GRID1: variants seen among roughly 807,000 people sequenced by gnomAD.
GRID1 encodes glutamate ionotropic receptor delta type subunit 1.
A neutral mutation model predicts 98.0 loss-of-function variants in GRID1; 28 were observed. The observed-to-expected ratio is 0.29, with a 90% CI of 0.21 to 0.39. The LOEUF (loss-of-function observed/expected upper bound fraction) is 0.39. Ranked by LOEUF, GRID1 falls within the 10% of genes least tolerant of loss-of-function variation. The probability of loss-of-function intolerance (pLI) is 1.00; values close to 1 mark genes in which losing one functional copy is unlikely to be tolerated. For synonymous variants in GRID1, 553 were observed against 538.5 expected (o/e 1.03, Z -0.37); for missense variants, 1,111 against 1,340.5 (o/e 0.83, Z 2.67).
intron 8 of GRID1, among the ~76,000 whole-genome samples, chr10:85,809,225 A>C (rs1294179353): frequency 6.6e-6 from 1 of 152,168 alleles, no homozygotes; most frequent in Admixed American, 6.5e-5. Context: ...AAAAAAACAG[A>C]GCATAAAAGA....
chr10:86,207,312 T>G (rs1846039822), intron 2 of GRID1, among the ~76,000 whole-genome samples: 1 of 152,146 alleles, frequency 6.6e-6, no homozygotes, highest in Non-Finnish European at 1.5e-5. Context: ...GAAGGATTAT[T>G]CAAAAGCCAC....
In GRID1 at chr10:86,195,749, C is replaced by T. The variant is rs1231193665; in HGVS notation, c.520+10615G>A. ...TGTTACCCACATGGCTGTGTCTGGG[C>T]GTGACCCCCACCTTTTGGTTCTAAG... is the stretch of plus-strand genomic sequence containing the variant. On this transcript the variant is annotated intron_variant, in intron 3 of 15. Coordinates refer to ENST00000327946, the MANE Select transcript of GRID1 (RefSeq NM_017551.3). This position sits in a 1 kb window ranked among gnomAD's most constrained non-coding sequence, Gnocchi z 4.4. Among the ~76,000 whole-genome samples the T allele has an allele frequency of 7.9e-5, 12 of 152,220 alleles. No individual in the cohort carries two copies. The South Asian group carries it at 8.3e-4, about 11-fold the overall frequency.
chr10:85,753,413 G>A (rs1842066652), intron 8 of GRID1, among the ~76,000 whole-genome samples: 1 of 152,196 alleles, frequency 6.6e-6, no homozygotes, highest in Non-Finnish European at 1.5e-5. Context: ...GTAAAGAGAT[G>A]ACAAGCCACT....
At chr10:85,910,756 A>G (rs937558351) in intron 5 of GRID1, among the ~76,000 whole-genome samples, 2 of 152,222 alleles carry the variant, frequency 1.3e-5, no homozygotes, top group African/African-American at 4.8e-5. Context: ...AACCTCAGAG[A>G]AAAGAGATCA....
rs186666108 is a variant in GRID1 at position 85,741,913 on chromosome 10, A to G, written c.1234-12299T>C. On this transcript the variant is annotated intron_variant, in intron 8 of 15. Transcript: ENST00000327946. ...TTTGTGTATATCCTTCACGTTCCCA[A>G]TAAATCTTATCTCTGACATTCACAT... Among the ~76,000 whole-genome samples, 4 of 152,218 alleles carry G rather than the reference A, an allele frequency of 2.6e-5. No individual in the cohort carries two copies. The East Asian group carries it at 7.7e-4, about 29-fold the overall frequency.
At chr10:86,327,798 T>G in intron 2 of GRID1, among the ~76,000 whole-genome samples, 1 of 152,216 alleles carries the variant, frequency 6.6e-6, no homozygotes, top group East Asian at 1.9e-4. Context: ...AAAAAGTGGG[T>G]GCTCTTCTTA....
At chr10:85,700,030 A>G (rs1841434173) in intron 12 of GRID1, among the ~76,000 whole-genome samples, 1 of 152,140 alleles carries the variant, frequency 6.6e-6, no homozygotes, top group Admixed American at 6.5e-5. Context: ...TACTTCCTAG[A>G]CTACAATCTT....
chr10:85,800,103 T>A (rs760674083), intron 8 of GRID1, among the ~76,000 whole-genome samples: 2 of 151,942 alleles, frequency 1.3e-5, no homozygotes, highest in African/African-American at 4.8e-5. Context: ...AATTCATGCA[T>A]GTCTAAACAA....
intron 4 of GRID1, among the ~76,000 whole-genome samples, chr10:86,095,472 T>A (rs1844208142): frequency 6.6e-6 from 1 of 152,042 alleles, no homozygotes; most frequent in African/African-American, 2.4e-5. Context: ...AAAGGACTAA[T>A]ATCCAGAATC....
chr10:85,799,117 T>C (rs928000446), intron 8 of GRID1, among the ~76,000 whole-genome samples: 3 of 152,138 alleles, frequency 2.0e-5, no homozygotes, highest in Non-Finnish European at 4.4e-5. Context: ...TTCTAATGTC[T>C]GCTCTTGGCA....
At chr10:86,182,073 C>T (rs558045471) in intron 3 of GRID1, among the ~76,000 whole-genome samples, 2 of 152,286 alleles carry the variant, frequency 1.3e-5, no homozygotes, top group South Asian at 4.2e-4. Context: ...CGCACTCGAC[C>T]CCTGCATCAA....
intron 2 of GRID1, among the ~76,000 whole-genome samples, chr10:86,264,079 A>G (rs760435196): frequency 2.6e-5 from 4 of 151,654 alleles, no homozygotes; most frequent in African/African-American, 4.8e-5. Flanking sequence ...TGGGATGTTC[A>G]TTCACCTCAT....
At chr10:85,876,430 C>T (rs1843332438) in intron 5 of GRID1, among the ~76,000 whole-genome samples, 1 of 152,164 alleles carries the variant, frequency 6.6e-6, no homozygotes, top group South Asian at 2.1e-4. Context: ...TATAAAGATG[C>T]TGGGATTGCA....
At position 86,219,553 on chromosome 10, in the gene GRID1, T is replaced by C. The variant is rs571638060; in HGVS notation, c.236-12905A>G. ...TGAGGGGCAGCACCCCCGCTCCCCT[T>C]CTCCCTGCTCTGCACACTACTCCCC... On this transcript the variant is annotated intron_variant, in intron 2 of 15. Transcript: ENST00000327946. Among the ~76,000 whole-genome samples, 42 of 152,176 alleles carry C rather than the reference T, an allele frequency of 2.8e-4. No homozygotes were observed. The South Asian group carries it at 3.5e-3, about 13-fold the overall frequency.
At chr10:86,212,305 C>A (rs868257021) in intron 2 of GRID1, among the ~76,000 whole-genome samples, 1 of 152,328 alleles carries the variant, frequency 6.6e-6, no homozygotes. Context: ...GCCCATGCAG[C>A]CCCTGCAACT....
intron 8 of GRID1, among the ~76,000 whole-genome samples, chr10:85,768,342 A>G (rs1316725570): frequency 6.6e-6 from 1 of 152,200 alleles, no homozygotes; most frequent in African/African-American, 2.4e-5. Context: ...TAACATTGAA[A>G]AATTATTTAA....
intron 5 of GRID1, among the ~76,000 whole-genome samples, chr10:85,877,562 G>C (rs1840914843): frequency 1.3e-5 from 2 of 152,322 alleles, no homozygotes; most frequent in South Asian, 2.1e-4. Context: ...TGAGTGTCCT[G>C]TCTGTTAGAA....
intron 2 of GRID1, among the ~76,000 whole-genome samples, chr10:86,233,313 C>T (rs921786625): frequency 2.0e-5 from 3 of 152,072 alleles, no homozygotes; most frequent in Non-Finnish European, 4.4e-5. Flanking sequence ...GAGCAAGGGG[C>T]CAATTTCTAT....
intron 4 of GRID1, among the ~76,000 whole-genome samples, chr10:86,015,820 A>C (rs1049857498): frequency 5.9e-5 from 9 of 152,208 alleles, no homozygotes; most frequent in African/African-American, 2.2e-4. Flanking sequence ...GACAGTACAG[A>C]AGGTGAGGCA....
Sources: allele counts gnomAD v4.1 joint callset (sites outside exome capture counted in the v4.1 genomes callset), GRCh38; gene constraint gnomAD v4.1.1; non-coding constraint Gnocchi (gnomAD v3.1); transcripts MANE v1.5; gene names NCBI Gene and HGNC (gene_info 2026-07-23, HGNC 2026-07-21).